Variants in SIK3 observed in about 807,000 individuals in gnomAD.
SIK3 encodes SIK family kinase 3, also known as serine/threonine-protein kinase SIK3.
A neutral mutation model predicts 144.2 loss-of-function variants in SIK3; 28 were observed. The ratio of observed to expected loss-of-function variants is 0.19; its 90% CI spans 0.14 to 0.27. The LOEUF is 0.27. Among genes scored for constraint, SIK3 ranks in the 10% least tolerant of loss-of-function variants. The pLI, the probability that SIK3 is intolerant of heterozygous loss-of-function variation, is 1.00. For missense variants in SIK3, 1,319 were observed against 1,776.0 expected (o/e 0.74, Z 4.62); for synonymous variants, 686 against 676.3 (o/e 1.01, Z -0.22).
chr11:116,956,242 T>C (rs578086849), intron 2 of SIK3, among the ~76,000 whole-genome samples: 2 of 152,210 alleles, frequency 1.3e-5, no homozygotes, highest in South Asian at 4.1e-4. Flanking sequence ...CCTATCCCGC[T>C]TGAAATTCCA....
intron 4 of SIK3, among the ~76,000 whole-genome samples, chr11:116,914,601 G>A (rs1946523879): frequency 1.3e-5 from 2 of 152,142 alleles, no homozygotes; most frequent in South Asian, 2.1e-4. Context: ...TAGTCCAGTG[G>A]GGGAGATACA....
At chr11:116,905,195 G>A (rs977351668) in intron 4 of SIK3, among the ~76,000 whole-genome samples, 2 of 152,172 alleles carry the variant, frequency 1.3e-5, no homozygotes, top group African/African-American at 4.8e-5. Flanking sequence ...CACATAAATG[G>A]AATCATACAA....
chr11:116,876,219 C>T (rs1944244755), intron 8 of SIK3, 34 bp downstream of exon 8: 6 of 1,585,022 alleles, frequency 3.8e-6, no homozygotes, highest in African/African-American at 1.4e-5. Context: ...GGAACTGCTA[C>T]ATCCCACTTT....
At chr11:116,965,731 TAA>T (rs1949503786) in intron 1 of SIK3, among the ~76,000 whole-genome samples, 5 of 81,862 alleles carry the variant, frequency 6.1e-5, no homozygotes, top group Admixed American at 1.7e-4. Flanking sequence ...CCGTCTCTGC[TAA>T]AATATATATA....
At chr11:117,013,901 GGGGGGGGGGGGAGGGTGTGTGTGTGT>G (rs1300485795) in intron 1 of SIK3, among the ~76,000 whole-genome samples, 1 of 59,730 alleles carries the variant, frequency 1.7e-5, no homozygotes, top group African/African-American at 5.4e-5. Context: ...AGATTCTGAG[GGGGGGGGGGGGAGGGTGTGTGTGTGT>G]GTGTGTGTGT....
At position 116,870,333 on chromosome 11, in the gene SIK3, C is replaced by T; in HGVS notation, c.1806G>A (p.Gln602=). The T allele has an allele frequency of 6.2e-7, 1 of 1,613,702 alleles. No homozygotes were observed. ...AGCACTGCCAGATGTCACATTACCTCTGCACAGCTTCCTGGTCTGGCTCCC... is the reference window on the plus strand; with the variant it reads ...AGCACTGCCAGATGTCACATTACCTTTGCACAGCTTCCTGGTCTGGCTCCC... ...SDGEPDQEAV[Q]RYLANRSKRH... is the part of the protein sequence containing the mutation. Residue 602 remains glutamine, a splice_region_variant and synonymous_variant, in exon 14 of 25, where the codon CAG becomes CAA. Transcript: ENST00000445177.
At chr11:117,042,047 C>T (rs2135860653) in intron 1 of SIK3, among the ~76,000 whole-genome samples, 1 of 152,236 alleles carries the variant, frequency 6.6e-6, no homozygotes, top group East Asian at 1.9e-4. Flanking sequence ...TCTCCCAGCT[C>T]CCTGCTCAAA....
At chr11:116,987,496 A>C (rs1950364132) in intron 1 of SIK3, among the ~76,000 whole-genome samples, 1 of 152,194 alleles carries the variant, frequency 6.6e-6, no homozygotes, top group Non-Finnish European at 1.5e-5. Context: ...TTCTGACATC[A>C]GTAAACAAGA....
chr11:116,872,687 C>T (rs1395210571), intron 13 of SIK3, among the ~76,000 whole-genome samples: 1 of 152,094 alleles, frequency 6.6e-6, no homozygotes, highest in East Asian at 1.9e-4. Flanking sequence ...ATAAAAAATG[C>T]CTTGTATTTT....
At chr11:116,892,247 GA>G (rs1348030762) in intron 6 of SIK3, among the ~76,000 whole-genome samples, 3 of 152,168 alleles carry the variant, frequency 2.0e-5, no homozygotes, top group Admixed American at 2.0e-4. Context: ...GATGAGCAGA[GA>G]AAAATAAGTC....
intron 3 of SIK3, among the ~76,000 whole-genome samples, chr11:116,938,268 AG>A: frequency 1.6e-5 from 1 of 61,668 alleles, no homozygotes; most frequent in Non-Finnish European, 2.7e-5. Context: ...AAGAGAGGAG[AG>A]GAGAGGAGAG....
At position 116,870,423 on chromosome 11, in the gene SIK3, A is replaced by G. The variant is rs561637267; in HGVS notation, c.1738-22T>C. On this transcript the variant is annotated intron_variant, in intron 13 of 24. Coordinates refer to ENST00000445177, the MANE Select transcript of SIK3 (RefSeq NM_001366686.3). ...CTGCCTGAAGAGAGACAGGAAGGAAAAGCTCAAGGTGGCAGCTTATTCTGT... is the reference window on the plus strand; with the variant it reads ...CTGCCTGAAGAGAGACAGGAAGGAAGAGCTCAAGGTGGCAGCTTATTCTGT... 20 of 1,612,154 alleles carry G rather than the reference A, an allele frequency of 1.2e-5. No individual in the cohort carries two copies. In the Middle Eastern group the frequency reaches 9.0e-4, roughly 72 times the overall value.
At chr11:116,874,161 T>C in intron 11 of SIK3, 105 bp from the exon 12 acceptor site, 1 of 1,159,830 alleles carries the variant, frequency 8.6e-7, no homozygotes, top group Non-Finnish European at 1.2e-6. Flanking sequence ...ACTTATTTTA[T>C]TTTCTTCCTG....
In SIK3 at chr11:117,080,721, G is replaced by T. The variant is rs561642229; in HGVS notation, c.273+17422C>A. On this transcript the variant is annotated intron_variant, in intron 1 of 24. Transcript: ENST00000445177. The stretch of plus-strand genomic sequence containing the variant: ...CCAGCACTTTGGGAGGCTGAGGCAG[G>T]GGGATCACTCAAGGCCAGGAGTTCG... Among the ~76,000 whole-genome samples, 8 of 152,248 alleles carry T rather than the reference G, an allele frequency of 5.3e-5. No homozygotes were observed. The South Asian group carries it at 1.7e-3, about 32-fold the overall frequency.
chr11:116,958,726 G>T (rs12420857), intron 1 of SIK3, among the ~76,000 whole-genome samples: 10,994 of 152,156 alleles, frequency 0.072, 483 homozygotes, highest in Middle Eastern at 0.11. Context: ...ATTTAATGAG[G>T]ATCTCACCAG....
chr11:116,889,407 C>A lies in SIK3; in HGVS notation c.865+6846G>T, dbSNP rs866100172. ...AGTGAGACTCATCTCTACAAAAAAT[C>A]TTTTAAAAAATTAGCTTGGAATGGT... On this transcript the variant is annotated intron_variant, in intron 6 of 24. Coordinates refer to ENST00000445177, the MANE Select transcript of SIK3 (RefSeq NM_001366686.3). 4.6e-4 allele frequency among the ~76,000 whole-genome samples: 69 copies of A among 151,604 alleles called. 1 individual carries two copies. Among genetic ancestry groups the A allele is most frequent in the African/African-American group, 1.6e-3 (65 of 41,274 alleles).
At chr11:116,975,090 C>T (rs1949899120) in intron 1 of SIK3, among the ~76,000 whole-genome samples, 1 of 151,760 alleles carries the variant, frequency 6.6e-6, no homozygotes, top group Admixed American at 6.6e-5. Context: ...ATATTTAGCC[C>T]GAACGAGGAC....
intron 1 of SIK3, among the ~76,000 whole-genome samples, chr11:117,028,894 A>G (rs1185458222): frequency 1.3e-5 from 2 of 152,140 alleles, no homozygotes; most frequent in African/African-American, 4.8e-5. Context: ...TGGGCCAGGC[A>G]TGGTGGCTCA....
intron 21 of SIK3, among the ~76,000 whole-genome samples, chr11:116,850,775 G>A (rs139879562): frequency 1.1e-4 from 17 of 152,300 alleles, no homozygotes; most frequent in Admixed American, 8.5e-4. Flanking sequence ...TTGGGAGGCC[G>A]GGGCGGGTGG....
Sources: gnomAD v4.1 joint callset for allele counts (sites outside exome capture counted in the v4.1 genomes callset) on GRCh38, gnomAD v4.1.1 for gene constraint, MANE v1.5 for transcripts, NCBI Gene and HGNC (gene_info 2026-07-23, HGNC 2026-07-21) for gene names.